Variants in ANKFN1 observed in about 807,000 individuals in gnomAD.
The protein encoded by ANKFN1 is ankyrin repeat and fibronectin type-III domain-containing protein 1.
A neutral mutation model predicts 108.7 loss-of-function variants in ANKFN1; 74 were observed. The observed-to-expected ratio is 0.68, with a 90% CI of 0.56 to 0.83. ANKFN1 has a LOEUF of 0.83. Among genes scored for constraint, ANKFN1 ranks in the 40% least tolerant of loss-of-function variants. ANKFN1 has a pLI of 0.00. For synonymous variants in ANKFN1, 547 were observed against 516.2 expected, an observed-to-expected ratio of 1.06 and a Z score of -0.81; for missense variants, 1,505 against 1,382.3, an observed-to-expected ratio of 1.09 and a Z score of -1.41.
chr17:56,091,457 C>G (rs1905417882), intron 4 of ANKFN1, among the ~76,000 whole-genome samples: 1 of 148,572 alleles, frequency 6.7e-6, no homozygotes. Context: ...CACACACACA[C>G]ACACAGAGTT....
At chr17:56,153,059 G>T (rs1017590497), upstream of ANKFN1, among the ~76,000 whole-genome samples, 2 of 152,040 alleles carry the variant, frequency 1.3e-5, no homozygotes, top group African/African-American at 2.4e-5. Context: ...TTCAGCATCC[G>T]CAGAAGGAGG....
chr17:56,296,954 A>G (rs2044530534), intron 3 of ANKFN1, among the ~76,000 whole-genome samples: 1 of 152,176 alleles, frequency 6.6e-6, no homozygotes. Flanking sequence ...TGTTACTGTT[A>G]TTTTACTGGG....
rs565968812 is a variant in ANKFN1, at chr17:56,505,894, AT to A, written c.2645-4575del. On this transcript the variant is annotated intron_variant, in intron 20 of 20. Transcript: ENST00000682825. ...TGTTGGGAGATCAAAATACAGACAG[AT>A]TTTGCAAAGTGCTTGACTATGGACT... 1.9e-3 allele frequency among the ~76,000 whole-genome samples: 291 copies of A among 152,276 alleles called. 3 individuals are homozygous for A. The highest frequency in any genetic ancestry group is 1.4e-3 in the Non-Finnish European group (93 of 68,024).
At position 56,498,944 on chromosome 17, in the gene ANKFN1, C is replaced by G. The variant is rs941743427; in HGVS notation, c.2490C>G (p.Tyr830Ter). 6.5e-7 allele frequency: 1 copy of G among 1,535,572 alleles called. No homozygotes were observed. The highest frequency in any genetic ancestry group is 1.2e-5 in the South Asian group (1 of 84,060). ...WIMDALQYAR[Y>*]KQPVSGLPIT... ...TGGATGCTCTACAGTATGCAAGATA[C>G]AAACAACCAGTTTCTGGCTTGCCCA... Residue 830 changes from tyrosine (Y) to a stop codon, truncating the protein, a stop_gained, in exon 20 of 21, where the codon TAC becomes TAG. Transcript: ENST00000682825. LOFTEE classifies it high-confidence loss of function.
chr17:56,055,596 T>TAC lies in ANKFN1; in HGVS notation c.288+9275_288+9276dup, dbSNP rs1555588789. The stretch of plus-strand genomic sequence containing the variant: ...ATATATATATATATATATGTATATA[T>TAC]ACACATTTTTTTATCCAGTCAATCA... On this transcript the variant is annotated intron_variant, in intron 4 of 12. Coordinates refer to the ANKFN1 transcript ENST00000635860. Among the ~76,000 whole-genome samples, 604 of 130,644 alleles carry TAC rather than the reference T, an allele frequency of 4.6e-3. 27 individuals carry two copies. The highest frequency in any genetic ancestry group is 0.011 in the African/African-American group (357 of 32,376). 85.7% of individuals were successfully genotyped at this position (130,644 alleles called of 152,430 possible).
At chr17:56,448,986 T>C in intron 10 of ANKFN1, 93 bp from the exon 11 acceptor site, 1 of 977,310 alleles carries the variant, frequency 1.0e-6, no homozygotes, top group Non-Finnish European at 1.6e-6. Flanking sequence ...AGACTGTGGG[T>C]AGTATGAGCA....
chr17:56,104,417 G>T (rs1290376946), intron 4 of ANKFN1, among the ~76,000 whole-genome samples: 1 of 152,234 alleles, frequency 6.6e-6, no homozygotes, highest in Non-Finnish European at 1.5e-5. Flanking sequence ...AGAGAGGGGA[G>T]CTGGCTTGAG....
intron 1 of ANKFN1, among the ~76,000 whole-genome samples, chr17:56,172,205 A>T (rs1220174821): frequency 6.6e-6 from 1 of 152,164 alleles, no homozygotes; most frequent in Non-Finnish European, 1.5e-5. Flanking sequence ...ACAAAGTAGA[A>T]CTTGATTTCA....
intron 10 of ANKFN1, among the ~76,000 whole-genome samples, chr17:56,445,929 A>C (rs114868864): frequency 6.6e-6 from 1 of 152,142 alleles, no homozygotes; most frequent in East Asian, 1.9e-4. Flanking sequence ...ATGTGACACA[A>C]TCTGCTCTTT....
At chr17:56,202,456 T>C (rs1037230035) in intron 1 of ANKFN1, among the ~76,000 whole-genome samples, 4 of 152,186 alleles carry the variant, frequency 2.6e-5, no homozygotes, top group Admixed American at 1.3e-4. Flanking sequence ...TTGTGGAATA[T>C]TGAGGAAACT....
intron 4 of ANKFN1, among the ~76,000 whole-genome samples, chr17:56,120,975 C>T (rs1279984843): frequency 2.0e-5 from 3 of 152,020 alleles, no homozygotes; most frequent in Non-Finnish European, 4.4e-5. Flanking sequence ...ATCGATTTTT[C>T]CCATTTCCCT....
At chr17:56,437,777 T>C (rs2048974923) in intron 8 of ANKFN1, among the ~76,000 whole-genome samples, 1 of 152,106 alleles carries the variant, frequency 6.6e-6, no homozygotes, top group Non-Finnish European at 1.5e-5. Flanking sequence ...TACATATATA[T>C]AAACATATAT....
intron 4 of ANKFN1, among the ~76,000 whole-genome samples, chr17:56,081,911 T>C (rs1295345762): frequency 6.6e-6 from 1 of 152,230 alleles, no homozygotes; most frequent in Non-Finnish European, 1.5e-5. Context: ...TTAGTGGGCG[T>C]GTGTGAGCCC....
At chr17:56,476,297 G>T (rs1314813544) in intron 15 of ANKFN1, among the ~76,000 whole-genome samples, 1 of 152,156 alleles carries the variant, frequency 6.6e-6, no homozygotes, top group Non-Finnish European at 1.5e-5. Context: ...GTGGAGGGAT[G>T]GTATCTGAAT....
chr17:56,453,760 G>A (rs977089231), intron 11 of ANKFN1, among the ~76,000 whole-genome samples: 1 of 151,954 alleles, frequency 6.6e-6, no homozygotes, highest in Non-Finnish European at 1.5e-5. Flanking sequence ...ATTTATTCAA[G>A]GTTTTGGATG....
chr17:56,232,992 T>G (rs1916850928), intron 3 of ANKFN1, among the ~76,000 whole-genome samples: 1 of 152,106 alleles, frequency 6.6e-6, no homozygotes, highest in Admixed American at 6.6e-5. Context: ...TTAGAGCAAA[T>G]TAGATTACCT....
At chr17:56,181,794 C>A (rs2143630960) in intron 1 of ANKFN1, among the ~76,000 whole-genome samples, 2 of 152,256 alleles carry the variant, frequency 1.3e-5, no homozygotes, top group African/African-American at 4.8e-5. Flanking sequence ...TTTTATTGTG[C>A]TTTGCAGATA....
chr17:56,123,902 G>C (rs1224061846), intron 4 of ANKFN1, among the ~76,000 whole-genome samples: 5 of 151,830 alleles, frequency 3.3e-5, no homozygotes, highest in African/African-American at 9.7e-5. Context: ...TGAATTATGA[G>C]AGGCATTCCC....
chr17:56,059,574 A>G (rs888506415), intron 4 of ANKFN1, among the ~76,000 whole-genome samples: 1 of 152,032 alleles, frequency 6.6e-6, no homozygotes, highest in Non-Finnish European at 1.5e-5. Context: ...GGGTTTTTAC[A>G]TTTAAGTCTT....
Sources: gnomAD v4.1 joint callset for allele counts (sites outside exome capture counted in the v4.1 genomes callset) on GRCh38, gnomAD v4.1.1 for gene constraint, MANE v1.5 for transcripts, NCBI Gene and HGNC (gene_info 2026-07-23, HGNC 2026-07-21) for gene names.